CSRNP3: variants seen among roughly 807,000 people sequenced by gnomAD.
The protein encoded by CSRNP3 is cysteine and serine rich nuclear protein 3.
CSRNP3 carries 12 observed loss-of-function variants against 48.0 expected under a neutral mutation model. That is an observed-to-expected ratio of 0.25 (90% CI 0.16 to 0.41). CSRNP3 has a LOEUF of 0.41. CSRNP3 is among the 10% of genes least tolerant of loss of function. CSRNP3 has a pLI of 1.00. For missense variants in CSRNP3, 580 were observed against 724.4 expected (o/e 0.80, Z 2.29); for synonymous variants, 263 against 269.7 (o/e 0.98, Z 0.24).
In CSRNP3 at chr2:165,610,073, G is replaced by T. The variant is rs148161062; in HGVS notation, c.148+14860G>T. ...GGGAGGGACTGCACTGACATTTTATGTGCATTATCTTACTTACTTAGCGCA... is the reference window on the plus strand; with the variant it reads ...GGGAGGGACTGCACTGACATTTTATTTGCATTATCTTACTTACTTAGCGCA... On this transcript the variant is annotated intron_variant, in intron 4 of 6. Transcript: ENST00000651982. Among the ~76,000 whole-genome samples, 457 of 152,310 alleles carry T rather than the reference G, an allele frequency of 3.0e-3. 4 individuals carry two copies. Among genetic ancestry groups the T allele is most frequent in the African/African-American group, 0.01 (436 of 41,558 alleles).
chr2:165,523,213 A>G (rs981419231), intron 3 of CSRNP3, among the ~76,000 whole-genome samples: 8 of 152,066 alleles, frequency 5.3e-5, no homozygotes, highest in Non-Finnish European at 1.0e-4. Flanking sequence ...CCTATGTTTG[A>G]TTTTACTTCC....
intron 5 of CSRNP3, among the ~76,000 whole-genome samples, chr2:165,660,325 A>G (rs182245041): frequency 6.6e-6 from 1 of 152,242 alleles, no homozygotes; most frequent in Non-Finnish European, 1.5e-5. Context: ...CATGTTTACA[A>G]CTGAGAAATA....
chr2:165,598,596 A>G (rs1188462362), intron 4 of CSRNP3, among the ~76,000 whole-genome samples: 6 of 152,208 alleles, frequency 3.9e-5, no homozygotes, highest in Admixed American at 3.9e-4. Flanking sequence ...CAGCAAATAT[A>G]GACTTTGTTA....
intron 5 of CSRNP3, among the ~76,000 whole-genome samples, chr2:165,668,008 T>A (rs1439770733): frequency 6.6e-6 from 1 of 152,208 alleles, no homozygotes; most frequent in Non-Finnish European, 1.5e-5. Context: ...ACTATGGGAC[T>A]GGTAATTATC....
chr2:165,611,516 C>G (rs927533172), intron 4 of CSRNP3, among the ~76,000 whole-genome samples: 1 of 151,920 alleles, frequency 6.6e-6, no homozygotes. Flanking sequence ...CCAGATATCA[C>G]CTCTTAGTTT....
intron 4 of CSRNP3, among the ~76,000 whole-genome samples, chr2:165,630,417 A>T (rs1380029573): frequency 6.6e-6 from 1 of 151,942 alleles, no homozygotes; most frequent in African/African-American, 2.4e-5. Flanking sequence ...CCCATTTATA[A>T]TGCCTTCTCT....
intron 2 of CSRNP3, among the ~76,000 whole-genome samples, chr2:165,504,837 G>A (rs1429842364): frequency 1.3e-5 from 2 of 151,914 alleles, no homozygotes; most frequent in African/African-American, 4.8e-5. Flanking sequence ...TTTATGCAAG[G>A]GCTAATGGAG....
intron 3 of CSRNP3, among the ~76,000 whole-genome samples, chr2:165,534,371 T>G (rs1684854848): frequency 6.6e-6 from 1 of 152,044 alleles, no homozygotes; most frequent in African/African-American, 2.4e-5. Context: ...TTGAATGAGT[T>G]TAAAAAAACT....
rs73969291 is a variant in CSRNP3 at position 165,533,918 on chromosome 2, T to C, written c.-24+15957T>C. ...AAATGGGGAAATATAAGACAATAAA[T>C]GTTACTGTTTTCAACATATCTGTTA... is the stretch of plus-strand genomic sequence containing the variant. On this transcript the variant is annotated intron_variant, in intron 3 of 6. Coordinates refer to ENST00000651982, the MANE Select transcript of CSRNP3 (RefSeq NM_001172173.2). Among the ~76,000 whole-genome samples the C allele has an allele frequency of 6.9e-3, 1,049 of 152,080 alleles. 8 individuals are homozygous for C. The highest frequency in any genetic ancestry group is 0.024 in the African/African-American group (1,010 of 41,532).
intron 4 of CSRNP3, among the ~76,000 whole-genome samples, chr2:165,640,957 A>G (rs1450867787): frequency 1.3e-5 from 2 of 152,194 alleles, no homozygotes; most frequent in African/African-American, 2.4e-5. Flanking sequence ...GCAATAAGAA[A>G]GGTCCTTGAC....
At chr2:165,639,405 T>G (rs1001288046) in intron 4 of CSRNP3, among the ~76,000 whole-genome samples, 2 of 152,186 alleles carry the variant, frequency 1.3e-5, no homozygotes, top group African/African-American at 2.4e-5. Flanking sequence ...GAGTTACAAA[T>G]AAATTCGGAA....
At chr2:165,480,148 C>G (rs549015674) in intron 1 of CSRNP3, among the ~76,000 whole-genome samples, 2 of 152,314 alleles carry the variant, frequency 1.3e-5, no homozygotes, top group East Asian at 3.9e-4. Context: ...GTGACCCTTT[C>G]CTACTTCACG....
intron 4 of CSRNP3, among the ~76,000 whole-genome samples, chr2:165,600,792 T>C (rs886906863): frequency 2.0e-5 from 3 of 152,226 alleles, no homozygotes; most frequent in Non-Finnish European, 4.4e-5. Flanking sequence ...ATCTCACTCA[T>C]CATGGGCTAA....
intron 3 of CSRNP3, among the ~76,000 whole-genome samples, chr2:165,538,979 C>A (rs1038278975): frequency 4.6e-5 from 7 of 151,856 alleles, no homozygotes; most frequent in African/African-American, 1.7e-4. Context: ...ATACTCCTAA[C>A]GATATCTCAT....
chr2:165,562,857 A>C (rs1685251993), intron 3 of CSRNP3, among the ~76,000 whole-genome samples: 1 of 152,202 alleles, frequency 6.6e-6, no homozygotes, highest in South Asian at 2.1e-4. Context: ...AGAGACATGA[A>C]AGAGAGTGAA....
chr2:165,674,221 G>T (rs1687382179), intron 5 of CSRNP3, among the ~76,000 whole-genome samples: 1 of 152,052 alleles, frequency 6.6e-6, no homozygotes, highest in African/African-American at 2.4e-5. Flanking sequence ...TCAGGACTTT[G>T]CTGAGGTTCA....
chr2:165,606,589 A>G (rs1342363108), intron 4 of CSRNP3, among the ~76,000 whole-genome samples: 1 of 152,158 alleles, frequency 6.6e-6, no homozygotes, highest in Non-Finnish European at 1.5e-5. Flanking sequence ...AACTCTCCTA[A>G]CACTGGCATG....
chr2:165,608,033 T>C (rs759459567), intron 4 of CSRNP3, among the ~76,000 whole-genome samples: 33 of 151,298 alleles, frequency 2.2e-4, no homozygotes, highest in Non-Finnish European at 4.4e-4. Context: ...CATCTTTGTG[T>C]TTTCAAAGTT....
intron 4 of CSRNP3, among the ~76,000 whole-genome samples, chr2:165,623,578 A>G (rs932569256): frequency 6.6e-6 from 1 of 152,216 alleles, no homozygotes; most frequent in Non-Finnish European, 1.5e-5. Context: ...ATTTTATATC[A>G]GGAACTTGAG....
Sources: gnomAD v4.1 joint callset for allele counts (sites outside exome capture counted in the v4.1 genomes callset) on GRCh38, gnomAD v4.1.1 for gene constraint, MANE v1.5 for transcripts, NCBI Gene and HGNC (gene_info 2026-07-23, HGNC 2026-07-21) for gene names.